SORCS1: variants seen among roughly 807,000 people sequenced by gnomAD.
The protein encoded by SORCS1 is sortilin related VPS10 domain containing receptor 1, also known as VPS10 domain-containing receptor SorCS1.
A neutral mutation model predicts 146.1 loss-of-function variants in SORCS1; 60 were observed. The ratio of observed to expected loss-of-function variants is 0.41; its 90% CI spans 0.33 to 0.51. The LOEUF (loss-of-function observed/expected upper bound fraction) is 0.51, where lower values mean the gene tolerates loss of function less well. Ranked by LOEUF, SORCS1 falls within the 20% of genes least tolerant of loss-of-function variation. The pLI is 0.21. For synonymous variants in SORCS1, 637 were observed against 584.0 expected, an observed-to-expected ratio of 1.09 and a Z score of -1.31; for missense variants, 1,352 against 1,487.6, an observed-to-expected ratio of 0.91 and a Z score of 1.50.
At position 106,574,294 on chromosome 10, in the gene SORCS1, C is replaced by T. The variant is rs1844488256; in HGVS notation, c.*3126G>A. 1 of 152,572 alleles carries T rather than the reference C, an allele frequency of 6.6e-6. No homozygotes were observed. The allele number at this position is 152,572 out of a possible 1,614,324, so 9.5% of individuals were successfully genotyped here. ...TCAGGGTAGAACATGCACAGTTTGC[C>T]TTCTGGGATTTTGGAAAACGTTGCA... On this transcript the variant is annotated 3_prime_UTR_variant, in exon 26 of 26. Transcript: ENST00000263054.
chr10:106,828,587 T>C (rs563574159), intron 3 of SORCS1, among the ~76,000 whole-genome samples: 15 of 152,354 alleles, frequency 9.8e-5, no homozygotes, highest in African/African-American at 3.4e-4. Context: ...GCTACCTTCA[T>C]AACACATTAT....
At chr10:106,797,019 C>A (rs35123455) in intron 3 of SORCS1, among the ~76,000 whole-genome samples, 1 of 152,010 alleles carries the variant, frequency 6.6e-6, no homozygotes, top group Non-Finnish European at 1.5e-5. Flanking sequence ...AGGCAGGAGA[C>A]TCGCTTGAAC....
chr10:106,842,436 G>T (rs571533054), intron 2 of SORCS1, among the ~76,000 whole-genome samples: 2 of 152,208 alleles, frequency 1.3e-5, no homozygotes, highest in Non-Finnish European at 2.9e-5. Flanking sequence ...GTTTCGCCAT[G>T]TTGGCCAGGC....
At chr10:107,123,824 T>C (rs1201651210) in intron 1 of SORCS1, among the ~76,000 whole-genome samples, 1 of 151,312 alleles carries the variant, frequency 6.6e-6, no homozygotes, top group East Asian at 1.9e-4. Flanking sequence ...ACGCCTGTAA[T>C]CCCAGCACTT....
At chr10:106,583,901 A>C (rs1404673046) in intron 24 of SORCS1, among the ~76,000 whole-genome samples, 1 of 152,284 alleles carries the variant, frequency 6.6e-6, no homozygotes, top group East Asian at 1.9e-4. Context: ...ATGCAGAACA[A>C]TCTTATTGTT....
chr10:106,833,342 T>C (rs1948642630), intron 2 of SORCS1, among the ~76,000 whole-genome samples: 1 of 152,136 alleles, frequency 6.6e-6, no homozygotes, highest in Non-Finnish European at 1.5e-5. Context: ...AAATGATGCA[T>C]TTTCACACAT....
intron 21 of SORCS1, among the ~76,000 whole-genome samples, chr10:106,616,727 G>A (rs572038624): frequency 6.6e-6 from 1 of 152,280 alleles, no homozygotes; most frequent in East Asian, 1.9e-4. Flanking sequence ...GCCATGAAAG[G>A]AATAGTGTCC....
intron 1 of SORCS1, among the ~76,000 whole-genome samples, chr10:106,961,333 T>C (rs553402711): frequency 6.6e-6 from 1 of 152,324 alleles, no homozygotes; most frequent in South Asian, 2.1e-4. Context: ...AAATATAATT[T>C]AGAAGTGAAA....
chr10:106,718,420 T>G (rs1855535798), intron 6 of SORCS1, among the ~76,000 whole-genome samples: 1 of 152,182 alleles, frequency 6.6e-6, no homozygotes, highest in African/African-American at 2.4e-5. Context: ...AAAGATGGTG[T>G]GCCCGGAGTT....
At chr10:106,749,522 G>C (rs1307011227) in intron 5 of SORCS1, among the ~76,000 whole-genome samples, 1 of 152,164 alleles carries the variant, frequency 6.6e-6, no homozygotes, top group Non-Finnish European at 1.5e-5. Flanking sequence ...AATTTGGCCT[G>C]TAAAATCACT....
intron 18 of SORCS1, among the ~76,000 whole-genome samples, chr10:106,649,966 TG>T (rs1849740458): frequency 6.6e-6 from 1 of 152,186 alleles, no homozygotes; most frequent in African/African-American, 2.4e-5. Context: ...ATTACCACTC[TG>T]GGGTTCAATT....
intron 2 of SORCS1, among the ~76,000 whole-genome samples, chr10:106,904,177 T>C (rs1327483519): frequency 6.6e-6 from 1 of 152,244 alleles, no homozygotes; most frequent in African/African-American, 2.4e-5. Flanking sequence ...AGTATACAGA[T>C]CTAATATCAT....
chr10:107,128,300 C>T (rs1161989918), intron 1 of SORCS1, among the ~76,000 whole-genome samples: 2 of 152,172 alleles, frequency 1.3e-5, no homozygotes, highest in Middle Eastern at 3.2e-3. Context: ...TTAAAGTGTA[C>T]TTTGGGTGAA....
At chr10:106,805,729 T>C (rs1005093351) in intron 3 of SORCS1, among the ~76,000 whole-genome samples, 1 of 152,040 alleles carries the variant, frequency 6.6e-6, no homozygotes, top group Admixed American at 6.6e-5. Context: ...TCTGGATATA[T>C]ACATATAAAT....
At chr10:106,641,281 A>G (rs1849055120) in intron 18 of SORCS1, among the ~76,000 whole-genome samples, 1 of 152,152 alleles carries the variant, frequency 6.6e-6, no homozygotes, top group Non-Finnish European at 1.5e-5. Flanking sequence ...GTGACCCCAT[A>G]TGCTATTTGC....
intron 21 of SORCS1, among the ~76,000 whole-genome samples, chr10:106,617,752 T>C (rs991472208): frequency 6.6e-5 from 10 of 152,162 alleles, no homozygotes; most frequent in Non-Finnish European, 1.5e-4. Context: ...ATTTAGACAA[T>C]GGCAGATTTC....
intron 3 of SORCS1, among the ~76,000 whole-genome samples, chr10:106,800,539 TAA>T (rs1564672516): frequency 8.2e-6 from 1 of 122,366 alleles, no homozygotes; most frequent in African/African-American, 3.1e-5. Context: ...TTTTTTTTTT[TAA>T]GATGGAGTCT....
intron 9 of SORCS1, among the ~76,000 whole-genome samples, chr10:106,692,561 C>T (rs992250728): frequency 2.6e-5 from 4 of 152,272 alleles, no homozygotes; most frequent in Admixed American, 2.6e-4. Context: ...GCTCTGTGAA[C>T]ACACTAGAAA....
intron 3 of SORCS1, among the ~76,000 whole-genome samples, chr10:106,827,163 T>C (rs1948341914): frequency 1.3e-5 from 2 of 151,662 alleles, no homozygotes; most frequent in Non-Finnish European, 1.5e-5. Flanking sequence ...CCATATATTC[T>C]GCAGCTACAG....
Sources: gnomAD v4.1 joint callset for allele counts (sites outside exome capture counted in the v4.1 genomes callset) on GRCh38, gnomAD v4.1.1 for gene constraint, MANE v1.5 for transcripts, NCBI Gene and HGNC (gene_info 2026-07-23, HGNC 2026-07-21) for gene names.